Variants in PPP2R3A observed in about 807,000 individuals in gnomAD.
PPP2R3A encodes the protein serine/threonine-protein phosphatase 2A regulatory subunit B'' subunit alpha.
In PPP2R3A, 80 loss-of-function variants were observed where a neutral mutation model predicts 106.9. That is an observed-to-expected ratio of 0.75 (90% CI 0.62 to 0.90). The LOEUF is 0.90. PPP2R3A is among the 40% of genes least tolerant of loss of function. The pLI is 0.00. For missense variants in PPP2R3A, 1,386 were observed against 1,350.4 expected (o/e 1.03, Z -0.41); for synonymous variants, 483 against 468.3 (o/e 1.03, Z -0.41).
chr3:136,049,645 C>T (rs1369092098), intron 5 of PPP2R3A, among the ~76,000 whole-genome samples: 1 of 152,158 alleles, frequency 6.6e-6, no homozygotes, highest in Non-Finnish European at 1.5e-5. Context: ...ACTCATCCTC[C>T]CCCTTGCCCA....
At chr3:136,019,532 CTA>C (rs1362580622) in intron 2 of PPP2R3A, among the ~76,000 whole-genome samples, 1 of 152,100 alleles carries the variant, frequency 6.6e-6, no homozygotes, top group Non-Finnish European at 1.5e-5. Context: ...TGAAATTCCC[CTA>C]TGTTTGATCT....
At chr3:136,090,832 A>G (rs1937078338) in intron 10 of PPP2R3A, among the ~76,000 whole-genome samples, 165 bp downstream of exon 10, 1 of 152,254 alleles carries the variant, frequency 6.6e-6, no homozygotes, top group African/African-American at 2.4e-5. Context: ...GGAGATTGGC[A>G]CTGAATCCAT....
intron 7 of PPP2R3A, among the ~76,000 whole-genome samples, chr3:136,080,997 C>A (rs1936762829): frequency 2.0e-5 from 3 of 147,140 alleles, no homozygotes; most frequent in Non-Finnish European, 4.5e-5. Context: ...TTTCTTTTTT[C>A]TTTTTTTTTT....
At chr3:136,099,137 T>C (rs1211451829) in intron 10 of PPP2R3A, among the ~76,000 whole-genome samples, 1 of 152,200 alleles carries the variant, frequency 6.6e-6, no homozygotes, top group Non-Finnish European at 1.5e-5. Flanking sequence ...TCTGGGGAAC[T>C]GACCTGCCCA....
chr3:136,127,829 A>G (rs1169287884), intron 13 of PPP2R3A, among the ~76,000 whole-genome samples: 1 of 152,212 alleles, frequency 6.6e-6, no homozygotes, highest in South Asian at 2.1e-4. Flanking sequence ...CAGAAACACT[A>G]CAAGCCAGAA....
intron 4 of PPP2R3A, among the ~76,000 whole-genome samples, chr3:136,043,220 G>A (rs1301335613): frequency 1.3e-5 from 2 of 152,120 alleles, no homozygotes; most frequent in Admixed American, 1.3e-4. Flanking sequence ...AGCACTCTGG[G>A]AGGCCAAGGT....
chr3:136,103,999 T>C (rs1937449382), intron 12 of PPP2R3A, among the ~76,000 whole-genome samples: 1 of 152,160 alleles, frequency 6.6e-6, no homozygotes, highest in African/African-American at 2.4e-5. Context: ...CACCCCTTGT[T>C]CTTACCATTC....
intron 3 of PPP2R3A, among the ~76,000 whole-genome samples, chr3:136,035,284 T>C (rs1935047879): frequency 6.6e-6 from 1 of 152,190 alleles, no homozygotes; most frequent in Non-Finnish European, 1.5e-5. Flanking sequence ...TCTTGGTTTT[T>C]TGTTTTTGTT....
intron 8 of PPP2R3A, among the ~76,000 whole-genome samples, chr3:136,083,624 GA>G (rs1206305490): frequency 1.3e-5 from 2 of 152,220 alleles, no homozygotes; most frequent in Non-Finnish European, 2.9e-5. Context: ...CGAAAATGTG[GA>G]AGGGACTTTG....
At chr3:136,079,171 TTAGCAGTCCA>T (rs1266909193) in intron 7 of PPP2R3A, 4 of 455,100 alleles carry the variant, frequency 8.8e-6, no homozygotes, top group African/African-American at 8.0e-5. Context: ...CTTGGCAAAA[TTAGCAGTCCA>T]TGATGGATAT....
At chr3:136,136,069 AAAAAT>A (rs1938606632) in intron 13 of PPP2R3A, among the ~76,000 whole-genome samples, 7 of 50,610 alleles carry the variant, frequency 1.4e-4, no homozygotes, top group South Asian at 6.6e-4. Flanking sequence ...AAAAAAAAAA[AAAAAT>A]TATATATATA....
chr3:136,121,051 C>G lies in PPP2R3A; in HGVS notation c.3329+14729C>G, dbSNP rs116718733. 9.0e-3 allele frequency among the ~76,000 whole-genome samples: 1,368 copies of G among 152,240 alleles called. 8 individuals carry two copies. Among genetic ancestry groups the G allele is most frequent in the Middle Eastern group, 0.027 (8 of 294 alleles). ...TGGATATTTTTCAAGGAACTTAGAA[C>G]TACATTCAACCCAGCAATCCCACTG... On this transcript the variant is annotated intron_variant, in intron 13 of 13. Transcript: ENST00000264977.
intron 13 of PPP2R3A, among the ~76,000 whole-genome samples, chr3:136,128,272 T>A (rs1938261126): frequency 6.6e-6 from 1 of 150,860 alleles, no homozygotes; most frequent in African/African-American, 2.4e-5. Flanking sequence ...GAGACCCATC[T>A]CATGTGCAAA....
At chr3:136,142,207 AG>A (rs968229174) in intron 13 of PPP2R3A, among the ~76,000 whole-genome samples, 5 of 152,138 alleles carry the variant, frequency 3.3e-5, no homozygotes, top group African/African-American at 7.2e-5. Context: ...GCATTGAAGG[AG>A]CAAGAGTTCT....
chr3:136,044,889 G>T (rs574615222), intron 4 of PPP2R3A, among the ~76,000 whole-genome samples: 2 of 152,204 alleles, frequency 1.3e-5, no homozygotes, highest in Non-Finnish European at 2.9e-5. Flanking sequence ...CAGCCACCAT[G>T]GACGTTTGAG....
At chr3:136,027,185 C>T (rs760170771) in intron 3 of PPP2R3A, 87 bp downstream of exon 3, 1 of 1,180,426 alleles carries the variant, frequency 8.5e-7, no homozygotes, top group Non-Finnish European at 1.2e-6. Context: ...GATCCCACCC[C>T]CCTTCACTGC....
intron 3 of PPP2R3A, among the ~76,000 whole-genome samples, chr3:136,038,065 T>G (rs1444900322): frequency 6.6e-6 from 1 of 152,220 alleles, no homozygotes; most frequent in Non-Finnish European, 1.5e-5. Flanking sequence ...CATTTACTGT[T>G]TAGGTTCTTA....
intron 2 of PPP2R3A, among the ~76,000 whole-genome samples, chr3:136,024,728 C>A (rs1382071587): frequency 2.6e-5 from 4 of 152,056 alleles, no homozygotes; most frequent in Non-Finnish European, 4.4e-5. Context: ...GATGTGACAC[C>A]ACAGAAAACA....
intron 3 of PPP2R3A, among the ~76,000 whole-genome samples, chr3:136,028,471 A>C (rs1392177030): frequency 6.6e-6 from 1 of 152,234 alleles, no homozygotes; most frequent in Non-Finnish European, 1.5e-5. Flanking sequence ...AGGGAACTGC[A>C]GTTCTACAAG....
Sources: allele counts gnomAD v4.1 joint callset (sites outside exome capture counted in the v4.1 genomes callset), GRCh38; gene constraint gnomAD v4.1.1; transcripts MANE v1.5; gene names NCBI Gene and HGNC (gene_info 2026-07-23, HGNC 2026-07-21).